The following TXNDC12 variants were observed in gnomAD, a reference collection of about 807,000 sequenced individuals.
TXNDC12 encodes the protein thioredoxin domain-containing protein 12.
A neutral mutation model predicts 24.2 loss-of-function variants in TXNDC12; 22 were observed. The ratio of observed to expected loss-of-function variants is 0.91; its 90% CI spans 0.65 to 1.30. The LOEUF is 1.30. TXNDC12 is among the 50% of genes most tolerant of loss of function. TXNDC12 has a pLI of 0.00. For missense variants in TXNDC12, 184 were observed against 205.8 expected (o/e 0.89, Z 0.65); for synonymous variants, 58 against 73.4 (o/e 0.79, Z 1.07).
chr1:52,044,752 T>C (rs1376151444), intron 1 of TXNDC12, among the ~76,000 whole-genome samples: 4 of 152,222 alleles, frequency 2.6e-5, no homozygotes, highest in South Asian at 4.1e-4. Flanking sequence ...CGTGGATGGA[T>C]TGCCTGAGCT....
intron 4 of TXNDC12, among the ~76,000 whole-genome samples, chr1:52,026,424 A>G (rs939706011): frequency 6.6e-6 from 1 of 152,198 alleles, no homozygotes; most frequent in African/African-American, 2.4e-5. Flanking sequence ...AGGTATGTAA[A>G]AGCTATTTTC....
intron 1 of TXNDC12, among the ~76,000 whole-genome samples, chr1:52,052,064 A>C (rs1686216574): frequency 6.6e-6 from 1 of 152,094 alleles, no homozygotes. Context: ...TTTTGATTGA[A>C]TCCTCCCAAC....
chr1:52,021,644 T>C (rs1685599165), intron 6 of TXNDC12, among the ~76,000 whole-genome samples: 1 of 151,734 alleles, frequency 6.6e-6, no homozygotes, highest in Non-Finnish European at 1.5e-5. Flanking sequence ...TTGTCTGTCT[T>C]GGGGCATCCT....
chr1:52,029,413 C>T (rs1685720401), intron 2 of TXNDC12, among the ~76,000 whole-genome samples: 1 of 152,146 alleles, frequency 6.6e-6, no homozygotes, highest in East Asian at 1.9e-4. Flanking sequence ...AAACTGTTCA[C>T]AATGAGCAAT....
chr1:52,033,619 A>G (rs1265128627), intron 2 of TXNDC12: 1 of 1,612,524 alleles, frequency 6.2e-7, no homozygotes. Context: ...ATCGCCGTAC[A>G]CCGCTGGGTC....
At chr1:52,031,774 C>T (rs367623077) in intron 2 of TXNDC12, among the ~76,000 whole-genome samples, 1 of 152,274 alleles carries the variant, frequency 6.6e-6, no homozygotes, top group Admixed American at 6.5e-5. Context: ...CCACCACACC[C>T]GGCTTCTCAC....
At chr1:52,055,315 G>C, upstream of TXNDC12, 1 of 523,632 alleles carries the variant, frequency 1.9e-6, no homozygotes, top group East Asian at 3.5e-5. Context: ...CACGTAGAAG[G>C]GTACGAGAGC....
Position 52,028,637 on chromosome 1 carries a change from A to C in TXNDC12, c.159-7T>G, listed in dbSNP as rs1337569000. On this transcript the variant is annotated splice_polypyrimidine_tract_variant and splice_region_variant and intron_variant, in intron 2 of 6. Coordinates refer to ENST00000371626, the MANE Select transcript of TXNDC12 (RefSeq NM_015913.4). ...CACCATCAGGGGCAGTCCACTTAAA[A>C]GCAAAACAAAGAAATTATAATCTAG... The C allele has an allele frequency of 3.1e-6, 5 of 1,604,344 alleles. No homozygotes were observed. In the Admixed American group the frequency reaches 6.8e-5, roughly 22 times the overall value.
At chr1:52,022,213 G>A (rs1359715053) in intron 6 of TXNDC12, among the ~76,000 whole-genome samples, 2 of 152,154 alleles carry the variant, frequency 1.3e-5, no homozygotes, top group African/African-American at 4.8e-5. Flanking sequence ...CAACAGCCTG[G>A]CAGCATGGCA....
intron 2 of TXNDC12, among the ~76,000 whole-genome samples, chr1:52,036,725 ATC>A (rs1439308070): frequency 5.6e-4 from 85 of 152,294 alleles, no homozygotes; most frequent in Non-Finnish European, 5.9e-5. Flanking sequence ...CTTCTGCCAG[ATC>A]TGTTTTCTGG....
chr1:52,026,834 G>C (rs1385195030), intron 4 of TXNDC12, among the ~76,000 whole-genome samples: 1 of 152,108 alleles, frequency 6.6e-6, no homozygotes, highest in Non-Finnish European at 1.5e-5. Flanking sequence ...TCAGGAGTTT[G>C]AGACCAACCT....
rs890430898 is a variant in TXNDC12, at chr1:52,021,490, G to T, written c.440-478C>A. Among the ~76,000 whole-genome samples the T allele has an allele frequency of 2.0e-5, 3 of 150,178 alleles. No homozygotes were observed. The South Asian group carries it at 6.3e-4, about 32-fold the overall frequency. On this transcript the variant is annotated intron_variant, in intron 6 of 6. Transcript: ENST00000371626. Reference sequence around the variant, plus strand: ...CTGAGGGGTGTGTGTGCTGGGGCGGGGGTGTCTCTACTGAAGGGGGTCGTC... The same window carrying T: ...CTGAGGGGTGTGTGTGCTGGGGCGGTGGTGTCTCTACTGAAGGGGGTCGTC...
intron 2 of TXNDC12, among the ~76,000 whole-genome samples, chr1:52,037,671 G>C (rs1162536384): frequency 6.6e-6 from 1 of 152,180 alleles, no homozygotes; most frequent in Non-Finnish European, 1.5e-5. Context: ...CCAGAAAAAG[G>C]GTTCTTGTTG....
chr1:52,025,838 T>TC (rs201578377), intron 4 of TXNDC12, among the ~76,000 whole-genome samples: 3 of 150,806 alleles, frequency 2.0e-5, no homozygotes, highest in East Asian at 3.9e-4. Context: ...TTTTTTTTTT[T>TC]CTCTTTTTTG....
intron 1 of TXNDC12, among the ~76,000 whole-genome samples, chr1:52,049,703 C>T (rs1686162573): frequency 6.7e-6 from 1 of 149,972 alleles, no homozygotes; most frequent in Non-Finnish European, 1.5e-5. Flanking sequence ...TAAGCAATTG[C>T]ATTTTTTTTT....
At chr1:52,026,979 C>A (rs12045015) in intron 4 of TXNDC12, among the ~76,000 whole-genome samples, 2 of 151,574 alleles carry the variant, frequency 1.3e-5, no homozygotes, top group Admixed American at 6.6e-5. Flanking sequence ...GAGGTTGCAG[C>A]GAGCCAGGAT....
intron 6 of TXNDC12, 186 bp downstream of exon 6, chr1:52,023,305 T>C (rs1685627064): frequency 2.0e-6 from 1 of 490,794 alleles, no homozygotes; most frequent in Non-Finnish European, 3.6e-6. Context: ...GTCAGTCAGC[T>C]CTTCCAAGGG....
chr1:52,023,040 C>T (rs112171470), intron 6 of TXNDC12: 2,561 of 153,952 alleles, frequency 0.017, 94 homozygotes, highest in East Asian at 0.13. Flanking sequence ...GCCTCGGCCT[C>T]CCAAAGTGCT....
chr1:52,024,669 C>T, intron 4 of TXNDC12, 90 bp from the exon 5 acceptor site: 1 of 1,016,456 alleles, frequency 9.8e-7, no homozygotes, highest in Middle Eastern at 2.0e-4. Context: ...CAGGGCAAAA[C>T]CCCAAGTCCT....
Sources: gnomAD v4.1 joint callset for allele counts (sites outside exome capture counted in the v4.1 genomes callset) on GRCh38, gnomAD v4.1.1 for gene constraint, MANE v1.5 for transcripts, NCBI Gene and HGNC (gene_info 2026-07-23, HGNC 2026-07-21) for gene names.